IGSF8: variants seen among roughly 807,000 people sequenced by gnomAD.
IGSF8 encodes the protein immunoglobulin superfamily member 8.
A neutral mutation model predicts 55.5 loss-of-function variants in IGSF8; 46 were observed. The ratio of observed to expected loss-of-function variants is 0.83; its 90% confidence interval spans 0.65 to 1.06. The LOEUF (loss-of-function observed/expected upper bound fraction) is 1.06, where lower values mean the gene tolerates loss of function less well. Among genes scored for constraint, IGSF8 ranks in the 50% least tolerant of loss-of-function variants. The pLI is 0.00. For synonymous variants in IGSF8, 314 were observed against 356.1 expected (o/e 0.88, Z 1.33); for missense variants, 731 against 832.3 (o/e 0.88, Z 1.50).
chr1:160,094,041 G>A lies in IGSF8; in HGVS notation c.573C>T (p.Ser191=), dbSNP rs1418112187. The A allele has an allele frequency of 7.4e-6, 12 of 1,614,000 alleles. No homozygotes were observed. The East Asian group carries it at 2.7e-4, about 36-fold the overall frequency. The change falls in exon 3 of 7, where the codon AGC becomes AGT. Residue 191 remains serine, a synonymous_variant. Coordinates refer to ENST00000314485, the MANE Select transcript of IGSF8 (RefSeq NM_052868.6). This position sits in a 1 kb window ranked among gnomAD's most constrained non-coding sequence, Gnocchi z 4.0. The stretch of plus-strand genomic sequence containing the variant: ...CTGCCAGGTGTGTGTGCTTCTGTGT[G>A]CTTGTCCTCGCCAGGCAGCCCAGTG... ...ELALGCLART[S]TQKHTHLAVS...
rs1321989806 is a variant in IGSF8 at position 160,093,851 on chromosome 1, T to C, written c.763A>G (p.Met255Val). 3 of 1,614,072 alleles carry C rather than the reference T, an allele frequency of 1.9e-6. No individual in the cohort carries two copies. The highest frequency in any genetic ancestry group is 2.5e-6 in the Non-Finnish European group (3 of 1,180,016). ...LGKEGTDRYR[M>V]VVGGAQAGDA... ...CCTGCCTGGGCACCCCCTACTACCA[T>C]GCGGTACCGATCGGTCCCTTCCTTG... The change falls in exon 3 of 7, where the codon ATG becomes GTG. Residue 255 changes from methionine to valine, a missense_variant. Met to Val is a conservative substitution (Grantham distance 21, BLOSUM62 1). Coordinates refer to ENST00000314485, the MANE Select transcript of IGSF8 (RefSeq NM_052868.6).
Position 160,093,329 on chromosome 1 carries a change from T to G in IGSF8, c.907A>C (p.Ser303Arg), listed in dbSNP as rs1422679262. Residue 303 changes from serine to arginine, a missense_variant and splice_region_variant, in exon 4 of 7, where the codon AGC (serine) becomes CGC (arginine). By Grantham distance (110) the Ser-to-Arg change is moderately radical. Coordinates refer to ENST00000314485, the MANE Select transcript of IGSF8 (RefSeq NM_052868.6). ...LAHVDVQTLS[S>R]QLAVTVGPGE... ...GGCCCCACTGTCACTGCCAGCTGGCTGGCTGAAACACAGGTAGGGGAAGAG... is the reference window on the plus strand; with the variant it reads ...GGCCCCACTGTCACTGCCAGCTGGCGGGCTGAAACACAGGTAGGGGAAGAG... 1 of 1,581,014 alleles carries G rather than the reference T, an allele frequency of 6.3e-7. No homozygotes were observed. The highest frequency in any genetic ancestry group is 1.1e-5 in the South Asian group (1 of 88,606).
chr1:160,092,872 G>T, intron 4 of IGSF8, 52 bp downstream of exon 4: 2 of 1,547,504 alleles, frequency 1.3e-6, no homozygotes, highest in Non-Finnish European at 1.8e-6. Context: ...GAAACAGAAG[G>T]AAAAGGGGTT....
At position 160,092,287 on chromosome 1, in the gene IGSF8, A is replaced by C; in HGVS notation, c.1721T>G (p.Met574Arg). The change falls in exon 5 of 7, where the codon ATG becomes AGG. Residue 574 changes from methionine to arginine, a missense_variant. Transcript: ENST00000314485. ...GTGGAGGGGGTGTCACTCACCATGC[A>C]TGTAGGGGTAGACTGTAACAGGCCC... ...RSGPVTVYPYMHALDTLFVPL... is the reference protein window; with the variant it reads ...RSGPVTVYPYRHALDTLFVPL... The C allele has an allele frequency of 6.2e-7, 1 of 1,613,952 alleles. No individual in the cohort carries two copies.
At position 160,094,931 on chromosome 1, in the gene IGSF8, C is replaced by T; in HGVS notation, c.380G>A (p.Cys127Tyr). The T allele has an allele frequency of 6.2e-7, 1 of 1,614,028 alleles. No homozygotes were observed. Among genetic ancestry groups the T allele is most frequent in the Non-Finnish European group, 8.5e-7 (1 of 1,179,996 alleles). Residue 127 changes from cysteine (C) to tyrosine (Y), a missense_variant, in exon 2 of 7, where the codon TGC (cysteine) becomes TAC (tyrosine). Physicochemically the swap from Cys to Tyr is radical, Grantham distance 194. Transcript: ENST00000314485. The surrounding 1 kb of genome is among the most constrained non-coding windows in gnomAD (Gnocchi z 4.0). ...LQAQDAGIYE[C>Y]HTPSTDTRYL... is the part of the protein sequence containing the mutation. ...GCGGGTATCAGTGGAGGGGGTGTGG[C>T]ACTCATAAATGCCGGCATCCTGGGC... is the stretch of plus-strand genomic sequence containing the variant.
At chr1:160,095,280 T>C (rs760794608) in intron 1 of IGSF8, 34 bp from the exon 2 acceptor site, 1 of 1,571,636 alleles carries the variant, frequency 6.4e-7, no homozygotes. Context: ...TGGAGATGCC[T>C]GGTTCCTCAT....
At chr1:160,093,412 T>C (rs1166549123) in intron 3 of IGSF8, 81 bp from the exon 4 acceptor site, 20 of 1,400,510 alleles carry the variant, frequency 1.4e-5, no homozygotes, top group Non-Finnish European at 1.8e-5. Flanking sequence ...TCCTGTTTCC[T>C]ACTTGACAGC....
rs1485888078 is a variant in IGSF8 at position 160,098,505 on chromosome 1, G to C, written c.-33C>G. ...GGCCAGCTCTGGGGAGGCTCCGGGG[G>C]ATGGCGCGGGTTCTGGGGGGCCGGA... On this transcript the variant is annotated 5_prime_UTR_variant, in exon 1 of 7. It adds an upstream start codon to the 5' untranslated region. Coordinates refer to ENST00000314485, the MANE Select transcript of IGSF8 (RefSeq NM_052868.6). 2.0e-6 allele frequency: 3 copies of C among 1,502,478 alleles called. No individual in the cohort carries two copies. Among genetic ancestry groups the C allele is most frequent in the Non-Finnish European group, 2.7e-6 (3 of 1,122,202 alleles). The allele number at this position is 1,502,478 out of a possible 1,614,324, so 93.1% of individuals were successfully genotyped here.
rs748583149 is a variant in IGSF8, at chr1:160,093,012, G to A, written c.1224C>T (p.Ala408=). Residue 408 remains alanine (A), a synonymous_variant, in exon 4 of 7, where the codon GCC becomes GCT. Transcript: ENST00000314485. ...TCCCAGACCCTCGAACATAGGCTTT[G>A]GCGAGGCAGCGGTAGGTGCCCGCAT... ...PGDAGTYRCL[A]KAYVRGSGTR... is the part of the protein sequence containing the mutation. The A allele has an allele frequency of 6.2e-7, 1 of 1,614,154 alleles. No homozygotes were observed. The highest frequency in any genetic ancestry group is 1.1e-5 in the South Asian group (1 of 91,078).
At chr1:160,099,056 G>A (rs58876387), upstream of IGSF8, 5,611 of 130,406 alleles carry the variant, frequency 0.043, 133 homozygotes, top group Middle Eastern at 0.16. Context: ...CGTCCCCGCA[G>A]GGCTAACGTC....
chr1:160,098,424 G>A lies in IGSF8; in HGVS notation c.49C>T (p.Leu17=). ...CCTGGCTTACCTAGCATTAGCAGCA[G>A]CAGCAGCGGCAGCGAAGGCGGCAGC... The part of the protein sequence containing the change: ...TLLPPSLPLL[L]LLMLGMGCWA... The change falls in exon 1 of 7, where the codon CTG becomes TTG. Residue 17 remains leucine, a synonymous_variant. Coordinates refer to ENST00000314485, the MANE Select transcript of IGSF8 (RefSeq NM_052868.6). 7 of 1,548,604 alleles carry A rather than the reference G, an allele frequency of 4.5e-6. No individual in the cohort carries two copies. Among genetic ancestry groups the A allele is most frequent in the South Asian group, 1.2e-5 (1 of 83,894 alleles).
chr1:160,092,125 G>T (rs1324031885), intron 5 of IGSF8, among the ~76,000 whole-genome samples, 157 bp downstream of exon 5: 2 of 152,222 alleles, frequency 1.3e-5, no homozygotes, highest in Non-Finnish European at 2.9e-5. Flanking sequence ...CGTGCAGGTG[G>T]GCACTGCAGG....
intron 1 of IGSF8, chr1:160,098,043 C>A (rs1363393507): frequency 2.2e-6 from 2 of 930,226 alleles, no homozygotes; most frequent in East Asian, 2.3e-4. Context: ...GTAGGGCGGG[C>A]ACCCAAGGCC....
At chr1:160,092,859 A>G in intron 4 of IGSF8, 65 bp downstream of exon 4, 1 of 1,531,658 alleles carries the variant, frequency 6.5e-7, no homozygotes, top group South Asian at 1.2e-5. Context: ...GGGAGGGGTC[A>G]TGGAAACAGA....
At position 160,093,242 on chromosome 1, in the gene IGSF8, G is replaced by A; in HGVS notation, c.994C>T (p.Leu332Phe). The A allele has an allele frequency of 6.2e-7, 1 of 1,614,096 alleles. No homozygotes were observed. Among genetic ancestry groups the A allele is most frequent in the Non-Finnish European group, 8.5e-7 (1 of 1,179,960 alleles). Residue 332 changes from leucine to phenylalanine, a missense_variant, in exon 4 of 7, where the codon CTT becomes TTT. Transcript: ENST00000314485. Reference protein sequence around the residue: ...LELLCNVSGALPPAGRHAAYS... With the variant: ...LELLCNVSGAFPPAGRHAAYS... ...GCAGCATGACGGCCTGCTGGGGGAA[G>A]TGCCCCTGACACATTGCACAGCAGT...
chr1:160,093,291 C>G lies in IGSF8; in HGVS notation c.945G>C (p.Arg315=), dbSNP rs781530419. The G allele has an allele frequency of 1.5e-5, 24 of 1,603,464 alleles. No homozygotes were observed. In the South Asian group the frequency reaches 2.0e-4, roughly 13 times the overall value. ...LAVTVGPGER[R]IGPGEPLELL... ...GTTCCAAGGGCTCCCCTGGGCCGAT[C>G]CGACGTTCACCAGGCCCCACTGTCA... The change falls in exon 4 of 7, where the codon CGG becomes CGC. Residue 315 remains arginine (R), a synonymous_variant. Transcript: ENST00000314485.
In IGSF8 at chr1:160,094,991, C is replaced by T. The variant is rs777030739; in HGVS notation, c.320G>A (p.Gly107Asp). 4.3e-6 allele frequency: 7 copies of T among 1,614,122 alleles called. No individual in the cohort carries two copies. Among genetic ancestry groups the T allele is most frequent in the Non-Finnish European group, 5.9e-6 (7 of 1,180,042 alleles). ...AGEVQVQRLQ[G>D]DAVVLKIARL... is the part of the protein sequence containing the mutation. Reference sequence around the variant, plus strand: ...GGCAATCTTGAGCACCACGGCATCACCTTGTAGGCGCTGCACCTGCACCTC... The same window carrying T: ...GGCAATCTTGAGCACCACGGCATCATCTTGTAGGCGCTGCACCTGCACCTC... Residue 107 changes from glycine to aspartate, a missense_variant, in exon 2 of 7, where the codon GGT becomes GAT. Transcript: ENST00000314485. This position sits in a 1 kb window ranked among gnomAD's most constrained non-coding sequence, Gnocchi z 4.0.
In IGSF8 at chr1:160,094,296, T is replaced by C; in HGVS notation, c.443-125A>G. ...AGAGGGCAAAGATCGCATGTTGTAT[T>C]ATTTCTTCTGTAACTCAGTGGTGCC... is the stretch of plus-strand genomic sequence containing the variant. On this transcript the variant is annotated intron_variant, in intron 2 of 6. Coordinates refer to ENST00000314485, the MANE Select transcript of IGSF8 (RefSeq NM_052868.6). The surrounding 1 kb of genome is among the most constrained non-coding windows in gnomAD (Gnocchi z 4.0). 1 of 664,104 alleles carries C rather than the reference T, an allele frequency of 1.5e-6. No homozygotes were observed. Among genetic ancestry groups the C allele is most frequent in the Non-Finnish European group, 2.5e-6 (1 of 393,628 alleles). 41.1% of individuals were successfully genotyped at this position (664,104 alleles called of 1,614,324 possible).
intron 1 of IGSF8, 182 bp from the exon 2 acceptor site, chr1:160,095,428 T>G: frequency 1.5e-6 from 1 of 658,278 alleles, no homozygotes. Flanking sequence ...CACCTGGATC[T>G]CAAGGAGGTG....
Sources: gnomAD v4.1 joint callset for allele counts (sites outside exome capture counted in the v4.1 genomes callset) on GRCh38, gnomAD v4.1.1 for gene constraint, Gnocchi (gnomAD v3.1) non-coding constraint, MANE v1.5 for transcripts, NCBI Gene and HGNC (gene_info 2026-07-23, HGNC 2026-07-21) for gene names.